Variants in ETV3 observed in about 807,000 individuals in gnomAD.
ETV3 encodes the protein ETS translocation variant 3.
ETV3 carries 8 observed loss-of-function variants against 33.0 expected under a neutral mutation model. The observed-to-expected ratio is 0.24, with a 90% CI of 0.14 to 0.44. The LOEUF is 0.44. Among genes scored for constraint, ETV3 ranks in the 20% least tolerant of loss-of-function variants. The pLI is 1.00. For synonymous variants in ETV3, 222 were observed against 238.9 expected, an observed-to-expected ratio of 0.93 and a Z score of 0.65; for missense variants, 473 against 652.3, an observed-to-expected ratio of 0.73 and a Z score of 2.99.
intron 4 of ETV3, among the ~76,000 whole-genome samples, chr1:157,131,182 C>T (rs754115609): frequency 6.6e-6 from 1 of 152,324 alleles, no homozygotes; most frequent in Middle Eastern, 3.4e-3. Flanking sequence ...AGTAGAGAGG[C>T]ATAGACTGAG....
At chr1:157,134,856 C>T (rs759927687) in intron 3 of ETV3, among the ~76,000 whole-genome samples, 1 of 152,200 alleles carries the variant, frequency 6.6e-6, no homozygotes, top group Admixed American at 6.5e-5. Context: ...TTTAGTCTTA[C>T]ATCTATGCAG....
rs886493856 is a variant in ETV3, at chr1:157,124,588, A to G, written c.*253T>C. Reference sequence around the variant, plus strand: ...CAGAAAGTATAAGCCTCAACAGGAAATAGAGGCTCCTTCTCCTTTGAGTTC... The same window carrying G: ...CAGAAAGTATAAGCCTCAACAGGAAGTAGAGGCTCCTTCTCCTTTGAGTTC... On this transcript the variant is annotated 3_prime_UTR_variant, in exon 5 of 5. Coordinates refer to ENST00000368192, the MANE Select transcript of ETV3 (RefSeq NM_001145312.3). 19 of 371,026 alleles carry G rather than the reference A, an allele frequency of 5.1e-5. No individual in the cohort carries two copies. Among genetic ancestry groups the G allele is most frequent in the Non-Finnish European group, 8.6e-5 (18 of 208,102 alleles). The allele number at this position is 371,026 out of a possible 1,614,324, so 23.0% of individuals were successfully genotyped here. A position where few individuals can be genotyped will look rare whatever the true frequency, so the allele number is the denominator to read the frequency against.
At position 157,125,072 on chromosome 1, in the gene ETV3, G is replaced by A. The variant is rs907823852; in HGVS notation, c.1308C>T (p.Pro436=). 29 of 1,546,972 alleles carry A rather than the reference G, an allele frequency of 1.9e-5. No individual in the cohort carries two copies. The highest frequency in any genetic ancestry group is 2.5e-5 in the Non-Finnish European group (29 of 1,144,590). Reference sequence around the variant, plus strand: ...GAGGTTCTCCACTTGGGGTGCTAATGGGCACAGAGGGCCAGATGGGTGGTG... The same window carrying A: ...GAGGTTCTCCACTTGGGGTGCTAATAGGCACAGAGGGCCAGATGGGTGGTG... ...PAAPPIWPSV[P]ISTPSGEPLE... The change falls in exon 5 of 5, where the codon CCC becomes CCT. Residue 436 remains proline, a synonymous_variant. Coordinates refer to ENST00000368192, the MANE Select transcript of ETV3 (RefSeq NM_001145312.3). The surrounding 1 kb of genome is among the most constrained non-coding windows in gnomAD (Gnocchi z 4.0).
rs1319405095 is a variant in ETV3 at position 157,121,439 on chromosome 1, C to G, written c.*3402G>C. 6.6e-6 allele frequency: 1 copy of G among 152,112 alleles called. No homozygotes were observed. Among genetic ancestry groups the G allele is most frequent in the Non-Finnish European group, 1.5e-5 (1 of 68,032 alleles). 9.4% of individuals were successfully genotyped at this position (152,112 alleles called of 1,614,324 possible). Reference sequence around the variant, plus strand: ...CTTACATTTTATGTACATATACACACTTTACTCTGCTCAAGCAGGTAACTA... The same window carrying G: ...CTTACATTTTATGTACATATACACAGTTTACTCTGCTCAAGCAGGTAACTA... On this transcript the variant is annotated 3_prime_UTR_variant, in exon 5 of 5. Transcript: ENST00000368192.
chr1:157,122,692 C>A lies in ETV3; in HGVS notation c.*2149G>T, dbSNP rs1674731248. ...GGACAGTGGGTGGCCAGCCAGCCTCCCTGGTTAGATTGGGCAATGCCAAGC... is the reference window on the plus strand; with the variant it reads ...GGACAGTGGGTGGCCAGCCAGCCTCACTGGTTAGATTGGGCAATGCCAAGC... On this transcript the variant is annotated 3_prime_UTR_variant, in exon 5 of 5. Coordinates refer to ENST00000368192, the MANE Select transcript of ETV3 (RefSeq NM_001145312.3). 6.6e-6 allele frequency: 1 copy of A among 152,176 alleles called. No homozygotes were observed. Among genetic ancestry groups the A allele is most frequent in the African/African-American group, 2.4e-5 (1 of 41,432 alleles). 9.4% of individuals were successfully genotyped at this position (152,176 alleles called of 1,614,324 possible). A position where few individuals can be genotyped will look rare whatever the true frequency, so the allele number is the denominator to read the frequency against.
Position 157,125,137 on chromosome 1 carries a change from T to C in ETV3, c.1243A>G (p.Ile415Val). The change falls in exon 5 of 5, where the codon ATT becomes GTT. Residue 415 changes from isoleucine to valine, a missense_variant. Ile to Val is a conservative substitution (Grantham distance 29, BLOSUM62 3). Coordinates refer to ENST00000368192, the MANE Select transcript of ETV3 (RefSeq NM_001145312.3). The surrounding 1 kb of genome is among the most constrained non-coding windows in gnomAD (Gnocchi z 4.0). The part of the protein sequence containing the change: ...QEEGTVPSRT[I>V]EEEKGTIFAR... ...AAGATGGTGCCTTTTTCCTCTTCAA[T>C]GGTCCTGCTTGGCACAGTGCCCTCT... is the stretch of plus-strand genomic sequence containing the variant. 1 of 1,550,288 alleles carries C rather than the reference T, an allele frequency of 6.5e-7. No homozygotes were observed. Among genetic ancestry groups the C allele is most frequent in the Non-Finnish European group, 8.7e-7 (1 of 1,146,158 alleles).
chr1:157,137,033 T>C (rs1363799403), intron 1 of ETV3, among the ~76,000 whole-genome samples: 1 of 152,138 alleles, frequency 6.6e-6, no homozygotes, highest in South Asian at 2.1e-4. Flanking sequence ...AAATTATACA[T>C]TTTCTCCATT....
intron 4 of ETV3, among the ~76,000 whole-genome samples, chr1:157,131,672 T>C (rs1674971986): frequency 6.6e-6 from 1 of 152,242 alleles, no homozygotes; most frequent in South Asian, 2.1e-4. Context: ...TGCTGTCGTT[T>C]TCCTAATTTT....
In ETV3 at chr1:157,129,550, TG is replaced by T. The variant is rs1404678566; in HGVS notation, c.401-3572del. On this transcript the variant is annotated intron_variant, in intron 4 of 4. Transcript: ENST00000368192. The stretch of plus-strand genomic sequence containing the variant: ...GATAATTAAAAACAAAATCACAGAC[TG>T]GAAAAAAAATAAAGCCACTGATTTA... Among the ~76,000 whole-genome samples, 7 of 152,130 alleles carry T rather than the reference TG, an allele frequency of 4.6e-5. No homozygotes were observed. In the East Asian group the frequency reaches 1.4e-3, roughly 29 times the overall value.
At chr1:157,136,275 A>G in intron 2 of ETV3, 32 bp downstream of exon 2, 2 of 1,606,224 alleles carry the variant, frequency 1.2e-6, no homozygotes, top group African/African-American at 1.3e-5. Context: ...GGAAGCTTCC[A>G]GGTACATCAG....
intron 4 of ETV3, among the ~76,000 whole-genome samples, chr1:157,126,468 C>T (rs982800303): frequency 5.9e-5 from 9 of 151,884 alleles, no homozygotes; most frequent in African/African-American, 7.3e-5. Flanking sequence ...TATATATATT[C>T]GTGTGTGTGT....
Position 157,125,954 on chromosome 1 carries a change from T to C in ETV3, c.426A>G (p.Pro142=). The C allele has an allele frequency of 6.4e-7, 1 of 1,550,948 alleles. No individual in the cohort carries two copies. Among genetic ancestry groups the C allele is most frequent in the Non-Finnish European group, 8.7e-7 (1 of 1,146,684 alleles). ...SSGVVPQSAP[P]VPTASSRFHF... Reference sequence around the variant, plus strand: ...GGAACCGGGAAGAGGCTGTTGGCACTGGTGGTGCACTCTGAGGAACCACAC... The same window carrying C: ...GGAACCGGGAAGAGGCTGTTGGCACCGGTGGTGCACTCTGAGGAACCACAC... The change falls in exon 5 of 5, where the codon CCA becomes CCG. Residue 142 remains proline, a synonymous_variant. Coordinates refer to ENST00000368192, the MANE Select transcript of ETV3 (RefSeq NM_001145312.3). The surrounding 1 kb of genome is among the most constrained non-coding windows in gnomAD (Gnocchi z 4.0).
chr1:157,138,346 G>C lies in ETV3; in HGVS notation c.-44C>G, dbSNP rs959791855. The C allele has an allele frequency of 1.3e-5, 2 of 152,440 alleles. No homozygotes were observed. The highest frequency in any genetic ancestry group is 4.8e-5 in the African/African-American group (2 of 41,450). The allele number at this position is 152,440 out of a possible 1,614,324, so 9.4% of individuals were successfully genotyped here. A position where few individuals can be genotyped will look rare whatever the true frequency, so the allele number is the denominator to read the frequency against. On this transcript the variant is annotated 5_prime_UTR_variant, in exon 1 of 5. Coordinates refer to ENST00000368192, the MANE Select transcript of ETV3 (RefSeq NM_001145312.3). Reference sequence around the variant, plus strand: ...CCCGGCACGGTCCGTCTTCGGTCCGGTCTCCTCCGCGGCGTCTCCGGCTCC... The same window carrying C: ...CCCGGCACGGTCCGTCTTCGGTCCGCTCTCCTCCGCGGCGTCTCCGGCTCC...
chr1:157,134,063 T>C (rs756900055), intron 4 of ETV3, 49 bp downstream of exon 4: 1 of 1,590,404 alleles, frequency 6.3e-7, no homozygotes, highest in South Asian at 1.2e-5. Context: ...TTTTTAAAAA[T>C]TCTTTTCAAT....
intron 4 of ETV3, among the ~76,000 whole-genome samples, chr1:157,132,957 T>C (rs1376565047): frequency 6.6e-6 from 1 of 152,218 alleles, no homozygotes. Context: ...TGAGAAGTTG[T>C]ATTACTGCAT....
rs887552154 is a variant in ETV3, at chr1:157,125,652, G to C, written c.728C>G (p.Pro243Arg). 6.4e-7 allele frequency: 1 copy of C among 1,551,538 alleles called. No homozygotes were observed. The highest frequency in any genetic ancestry group is 1.4e-5 in the African/African-American group (1 of 73,006). Residue 243 changes from proline to arginine, a missense_variant, in exon 5 of 5, where the codon CCC becomes CGC. By Grantham distance (103) the Pro-to-Arg change is moderately radical. This residue lies in a region of ETV3 where 410 missense variants were observed against 520.2 expected (regional missense o/e 0.79). Coordinates refer to ENST00000368192, the MANE Select transcript of ETV3 (RefSeq NM_001145312.3). The surrounding 1 kb of genome is among the most constrained non-coding windows in gnomAD (Gnocchi z 4.0). ...LFARPGMYPD[P>R]HSPFAVSPIP... ...TGGAGAGACAGCGAAGGGACTGTGGGGGTCAGGGTACATCCCTGGCCTAGC... is the reference window on the plus strand; with the variant it reads ...TGGAGAGACAGCGAAGGGACTGTGGCGGTCAGGGTACATCCCTGGCCTAGC...
chr1:157,134,358 GC>G, intron 3 of ETV3, 131 bp from the exon 4 acceptor site: 1 of 1,202,556 alleles, frequency 8.3e-7, no homozygotes, highest in Non-Finnish European at 1.1e-6. Context: ...ATCTTTCGCA[GC>G]CTGGCCCTCC....
intron 4 of ETV3, 38 bp from the exon 5 acceptor site, chr1:157,126,017 A>C: frequency 6.8e-7 from 1 of 1,481,260 alleles, no homozygotes; most frequent in African/African-American, 1.4e-5. Flanking sequence ...GCATCAGAGG[A>C]CTGCTCATTC....
At chr1:157,131,716 C>T (rs1169677718) in intron 4 of ETV3, among the ~76,000 whole-genome samples, 1 of 152,240 alleles carries the variant, frequency 6.6e-6, no homozygotes, top group Non-Finnish European at 1.5e-5. Flanking sequence ...AAGACATTCA[C>T]TTCACTGGGC....
Sources: allele counts gnomAD v4.1 joint callset (sites outside exome capture counted in the v4.1 genomes callset), GRCh38; gene constraint gnomAD v4.1.1; regional missense constraint gnomAD v4.1.1; non-coding constraint Gnocchi (gnomAD v3.1); transcripts MANE v1.5; gene names NCBI Gene and HGNC (gene_info 2026-07-23, HGNC 2026-07-21).